The following CIMAP2 variants were observed in gnomAD, a reference collection of about 807,000 sequenced individuals.
CIMAP2 encodes the protein ciliary microtubule associated protein 2.
chr1:54,841,511 G>C, the CIMAP2 span: 4 of 1,568,568 alleles, frequency 2.6e-6, no homozygotes, highest in East Asian at 9.0e-5. Flanking sequence ...GGTTGGGTTA[G>C]ATAATTTTCC....
the CIMAP2 span, among the ~76,000 whole-genome samples, chr1:54,829,744 A>T: frequency 6.6e-6 from 1 of 152,196 alleles, no homozygotes; most frequent in African/African-American, 2.4e-5. Flanking sequence ...TGATAACAAT[A>T]TGCTCTGGTT....
the CIMAP2 span, among the ~76,000 whole-genome samples, chr1:54,826,876 G>A: frequency 1.3e-5 from 2 of 152,226 alleles, no homozygotes; most frequent in Non-Finnish European, 2.9e-5. Context: ...TTATCTACTC[G>A]CTGTTTTGGT....
chr1:54,817,719 C>A, the CIMAP2 span, among the ~76,000 whole-genome samples: 1 of 72,878 alleles, frequency 1.4e-5, no homozygotes, highest in African/African-American at 4.3e-5. Context: ...ACTTTATAAT[C>A]CAGTATTTTT....
chr1:54,840,995 T>C, the CIMAP2 span, among the ~76,000 whole-genome samples: 2 of 152,070 alleles, frequency 1.3e-5, no homozygotes, highest in African/African-American at 4.8e-5. Context: ...GCCTCAATAG[T>C]AGAAATGAGA....
At chr1:54,806,308 G>T in the CIMAP2 span, 8 of 1,299,476 alleles carry the variant, frequency 6.2e-6, no homozygotes, top group South Asian at 7.3e-5. Context: ...CGGGAGAGAG[G>T]GTGTCCACCT....
chr1:54,810,230 T>G, the CIMAP2 span, among the ~76,000 whole-genome samples: 1 of 152,110 alleles, frequency 6.6e-6, no homozygotes, highest in Non-Finnish European at 1.5e-5. Context: ...TGGCAAACAG[T>G]AGAGGCTCAG....
chr1:54,811,772 T>TTCCCCCC, the CIMAP2 span: 14 of 454,858 alleles, frequency 3.1e-5, no homozygotes, highest in South Asian at 1.1e-4. Context: ...ACAGCCTCCA[T>TTCCCCCC]GCCCCCACCC....
At chr1:54,820,220 T>C in the CIMAP2 span, among the ~76,000 whole-genome samples, 5 of 151,510 alleles carry the variant, frequency 3.3e-5, no homozygotes, top group African/African-American at 1.2e-4. Context: ...CTGTTTTACA[T>C]GCAGTGGTAT....
the CIMAP2 span, among the ~76,000 whole-genome samples, chr1:54,823,003 C>T: frequency 1.3e-5 from 2 of 152,154 alleles, no homozygotes; most frequent in African/African-American, 4.8e-5. Flanking sequence ...TATGGTCTAT[C>T]CTGGAGAATG....
chr1:54,821,896 T>C, the CIMAP2 span, among the ~76,000 whole-genome samples: 2 of 89,820 alleles, frequency 2.2e-5, no homozygotes, highest in African/African-American at 4.6e-5. Flanking sequence ...CTTTTTTTTT[T>C]TTTTTTTTTT....
the CIMAP2 span, chr1:54,807,214 C>T: frequency 1.6e-4 from 164 of 1,034,176 alleles, no homozygotes; most frequent in East Asian, 3.6e-3. Flanking sequence ...CAGAGCTGGA[C>T]CCACAGTGGG....
chr1:54,813,714 A>G, the CIMAP2 span: 288 of 1,328,526 alleles, frequency 2.2e-4, no homozygotes, highest in African/African-American at 3.9e-3. Context: ...CAGGATAGTA[A>G]GTGATGCCCC....
At chr1:54,823,922 G>A in the CIMAP2 span, among the ~76,000 whole-genome samples, 1 of 152,090 alleles carries the variant, frequency 6.6e-6, no homozygotes, top group African/African-American at 2.4e-5. Flanking sequence ...GCTGGGTGTA[G>A]TATTTGTGGT....
chr1:54,814,899 C>T, the CIMAP2 span: 8 of 1,613,866 alleles, frequency 5.0e-6, no homozygotes, highest in African/African-American at 8.0e-5. Context: ...TTCAGCCTTC[C>T]TTCCTTACTC....
chr1:54,808,629 G>T, the CIMAP2 span, among the ~76,000 whole-genome samples: 12 of 144,724 alleles, frequency 8.3e-5, 1 homozygote, highest in East Asian at 2.0e-3. Flanking sequence ...GGGCAGTGGA[G>T]GGCTTTGACA....
At chr1:54,814,686 G>T in the CIMAP2 span, among the ~76,000 whole-genome samples, 1 of 152,228 alleles carries the variant, frequency 6.6e-6, no homozygotes, top group Non-Finnish European at 1.5e-5. Context: ...AAGGCCCTTG[G>T]ACACCTGAAA....
At chr1:54,820,112 C>CTCTTTCTT in the CIMAP2 span, among the ~76,000 whole-genome samples, 182 of 8,344 alleles carry the variant, frequency 0.022, 2 homozygotes, top group African/African-American at 0.031. Context: ...TTCTCTCTCT[C>CTCTTTCTT]TCTTTCTTTC....
the CIMAP2 span, chr1:54,811,960 T>C: frequency 6.2e-7 from 1 of 1,614,046 alleles, no homozygotes; most frequent in African/African-American, 1.3e-5. Flanking sequence ...AGGCCTTGCC[T>C]GCCTTCCCGT....
the CIMAP2 span, chr1:54,817,141 G>T: frequency 6.2e-7 from 1 of 1,613,892 alleles, no homozygotes; most frequent in Non-Finnish European, 8.5e-7. Context: ...AGCTGGAGCT[G>T]CAGGCGAAGG....
Sources: gnomAD v4.1 joint callset for allele counts (sites outside exome capture counted in the v4.1 genomes callset) on GRCh38, gnomAD v4.1.1 for gene constraint, MANE v1.5 for transcripts, NCBI Gene and HGNC (gene_info 2026-07-23, HGNC 2026-07-21) for gene names.